The following ZFR2 variants were observed in gnomAD, a reference collection of about 807,000 sequenced individuals.
ZFR2 encodes zinc finger RNA-binding protein 2.
In ZFR2, 104 loss-of-function variants were observed where a neutral mutation model predicts 105.7. That is an observed-to-expected ratio of 0.98 (90% confidence interval 0.84 to 1.16). The LOEUF is 1.16. Ranked by LOEUF, ZFR2 falls within the 50% of genes most tolerant of loss-of-function variation. The pLI, the probability that ZFR2 is intolerant of heterozygous loss-of-function variation, is 0.00. For synonymous variants in ZFR2, 634 were observed against 597.7 expected, an observed-to-expected ratio of 1.06 and a Z score of -0.89; for missense variants, 1,425 against 1,355.5, an observed-to-expected ratio of 1.05 and a Z score of -0.80.
chr19:3,830,466 T>A (rs532478621), intron 5 of ZFR2, among the ~76,000 whole-genome samples: 9 of 152,114 alleles, frequency 5.9e-5, no homozygotes, highest in African/African-American at 2.2e-4. Flanking sequence ...ATGCGAGCAC[T>A]CTGCAAAGAA....
intron 12 of ZFR2, 86 bp from the exon 13 acceptor site, chr19:3,816,931 T>A: frequency 1.6e-6 from 2 of 1,285,486 alleles, no homozygotes; most frequent in Admixed American, 4.7e-5. Context: ...ACGGGGACCC[T>A]GCAAGTTACA....
intron 1 of ZFR2, among the ~76,000 whole-genome samples, chr19:3,857,999 G>A (rs1328647360): frequency 6.6e-6 from 1 of 152,214 alleles, no homozygotes; most frequent in Non-Finnish European, 1.5e-5. Flanking sequence ...TCAGGCCCCA[G>A]GCTAATGTCT....
chr19:3,812,170 C>T (rs965842912), intron 14 of ZFR2, among the ~76,000 whole-genome samples: 1 of 151,856 alleles, frequency 6.6e-6, no homozygotes, highest in Admixed American at 6.6e-5. Flanking sequence ...TCTCGAACCC[C>T]TCACCTCAGG....
intron 13 of ZFR2, among the ~76,000 whole-genome samples, chr19:3,814,709 T>C (rs1288504140): frequency 6.6e-6 from 1 of 152,126 alleles, no homozygotes. Context: ...TTGTGGCCAC[T>C]GTCATGTTGT....
intron 1 of ZFR2, among the ~76,000 whole-genome samples, chr19:3,843,883 A>G (rs1222910639): frequency 6.6e-6 from 1 of 151,928 alleles, no homozygotes; most frequent in Admixed American, 6.6e-5. Context: ...GACATAGGCT[A>G]CAAGGTGGAT....
chr19:3,851,119 C>T (rs916441386), intron 1 of ZFR2, among the ~76,000 whole-genome samples: 1 of 152,000 alleles, frequency 6.6e-6, no homozygotes. Context: ...GTTAGGGAAG[C>T]CCCAGCCGAC....
intron 1 of ZFR2, among the ~76,000 whole-genome samples, chr19:3,855,941 CCT>C (rs2038294276): frequency 6.6e-6 from 1 of 152,266 alleles, no homozygotes; most frequent in Non-Finnish European, 1.5e-5. Flanking sequence ...CAGCTTGTCC[CCT>C]GAGACCCCAC....
chr19:3,819,222 G>A lies in ZFR2; in HGVS notation c.1754C>T (p.Pro585Leu), dbSNP rs766565462. The change falls in exon 12 of 19, where the codon CCG (proline) becomes CTG (leucine). Residue 585 changes from proline to leucine, a missense_variant. Physicochemically the swap from Pro to Leu is moderately conservative, Grantham distance 98. Coordinates refer to ENST00000262961, the MANE Select transcript of ZFR2 (RefSeq NM_015174.2). ...ASAPLQPGRRPASSDDRHVMC... is the reference protein window; with the variant it reads ...ASAPLQPGRRLASSDDRHVMC... Reference sequence around the variant, plus strand: ...GACGTGCCGGTCGTCGCTGGACGCCGGCCGCCGCCCGGGCTGTGGGGAGAG... The same window carrying A: ...GACGTGCCGGTCGTCGCTGGACGCCAGCCGCCGCCCGGGCTGTGGGGAGAG... 28 of 1,548,596 alleles carry A rather than the reference G, an allele frequency of 1.8e-5. No individual in the cohort carries two copies. Among genetic ancestry groups the A allele is most frequent in the Admixed American group, 3.9e-5 (2 of 51,662 alleles).
chr19:3,854,708 C>T (rs910799559), intron 1 of ZFR2, among the ~76,000 whole-genome samples: 1 of 152,202 alleles, frequency 6.6e-6, no homozygotes, highest in Non-Finnish European at 1.5e-5. Flanking sequence ...CTTTTACATT[C>T]TTGCAGAGAA....
intron 5 of ZFR2, among the ~76,000 whole-genome samples, chr19:3,829,615 C>T (rs983192528): frequency 1.8e-4 from 28 of 152,098 alleles, no homozygotes; most frequent in Admixed American, 1.5e-3. Flanking sequence ...TGGGCTCAAA[C>T]GATCCTCCCA....
At chr19:3,868,057 G>A (rs2038453454) in intron 1 of ZFR2, among the ~76,000 whole-genome samples, 1 of 150,322 alleles carries the variant, frequency 6.7e-6, no homozygotes, top group Non-Finnish European at 1.5e-5. Flanking sequence ...GGGGATTAAC[G>A]CCCCTCTGCC....
At position 3,809,219 on chromosome 19, in the gene ZFR2, C is replaced by T. The variant is rs551205892; in HGVS notation, c.2434-236G>A. Among the ~76,000 whole-genome samples the T allele has an allele frequency of 7.9e-5, 12 of 152,332 alleles. No homozygotes were observed. In the East Asian group the frequency reaches 1.7e-3, roughly 22 times the overall value. On this transcript the variant is annotated intron_variant, in intron 16 of 18. Transcript: ENST00000262961. ...GCGGAGTCTCGCTCTATTGCCCAGG[C>T]TGGAGTGCAGTGGCACGATCTCAGC...
At chr19:3,853,038 A>G in intron 1 of ZFR2, among the ~76,000 whole-genome samples, 1 of 152,178 alleles carries the variant, frequency 6.6e-6, no homozygotes, top group South Asian at 2.1e-4. Context: ...GCACTTCGGG[A>G]GGATCACTTG....
chr19:3,830,619 C>T (rs1445307712), intron 5 of ZFR2, among the ~76,000 whole-genome samples: 1 of 152,110 alleles, frequency 6.6e-6, no homozygotes, highest in African/African-American at 2.4e-5. Context: ...GTCCTGATAA[C>T]GGTGTCCTGA....
Position 3,823,653 on chromosome 19 carries a change from G to A in ZFR2, c.1214-250C>T, listed in dbSNP as rs771945635. 1.1e-4 allele frequency among the ~76,000 whole-genome samples: 17 copies of A among 152,100 alleles called. 1 individual carries two copies. The highest frequency in any genetic ancestry group is 2.1e-4 in the Non-Finnish European group (14 of 68,016). On this transcript the variant is annotated intron_variant, in intron 7 of 18. Transcript: ENST00000262961. This position sits in a 1 kb window ranked among gnomAD's most constrained non-coding sequence, Gnocchi z 5.4. ...GGAGAAGCCCTGGTTTTAGGCCCTC[G>A]CTTGAGGAACCCACCGACAGCACAA...
intron 18 of ZFR2, among the ~76,000 whole-genome samples, chr19:3,806,580 C>A (rs1270603563): frequency 6.6e-6 from 1 of 152,170 alleles, no homozygotes; most frequent in Non-Finnish European, 1.5e-5. Context: ...CTTACGACTG[C>A]GGAGCTTGGG....
At chr19:3,810,122 G>A (rs1189292977) in intron 16 of ZFR2, among the ~76,000 whole-genome samples, 3 of 152,180 alleles carry the variant, frequency 2.0e-5, no homozygotes, top group East Asian at 1.9e-4. Context: ...ACTCCAGCAC[G>A]GGATGGGGGA....
rs1013811677 is a variant in ZFR2 at position 3,813,932 on chromosome 19, G to C, written c.2130C>G (p.Val710=). The C allele has an allele frequency of 9.9e-6, 16 of 1,613,922 alleles. No homozygotes were observed. The highest frequency in any genetic ancestry group is 1.4e-5 in the Non-Finnish European group (16 of 1,179,864). Residue 710 remains valine (V), a synonymous_variant, in exon 14 of 19, where the codon GTC becomes GTG. Coordinates refer to ENST00000262961, the MANE Select transcript of ZFR2 (RefSeq NM_015174.2). The surrounding 1 kb of genome is among the most constrained non-coding windows in gnomAD (Gnocchi z 4.4). ...LQMVTEDEYE[V]SSDPEANIVI... The stretch of plus-strand genomic sequence containing the variant: ...CAATGTTGGCTTCAGGGTCGGAGGA[G>C]ACCTCATACTCATCCTCGGTCACCA...
At position 3,811,393 on chromosome 19, in the gene ZFR2, G is replaced by T. The variant is rs532147478; in HGVS notation, c.2243-27C>A. 4.5e-6 allele frequency: 7 copies of T among 1,552,788 alleles called. No homozygotes were observed. The South Asian group carries it at 8.3e-5, about 18-fold the overall frequency. Reference sequence around the variant, plus strand: ...TTCTAGAAGAAAAACCTCGAGGTGTGCGGGGAAGGTGCCTCGTCCCGCTCT... The same window carrying T: ...TTCTAGAAGAAAAACCTCGAGGTGTTCGGGGAAGGTGCCTCGTCCCGCTCT... On this transcript the variant is annotated intron_variant, in intron 14 of 18. Transcript: ENST00000262961.
Sources: allele counts gnomAD v4.1 joint callset (sites outside exome capture counted in the v4.1 genomes callset), GRCh38; gene constraint gnomAD v4.1.1; non-coding constraint Gnocchi (gnomAD v3.1); transcripts MANE v1.5; gene names NCBI Gene and HGNC (gene_info 2026-07-23, HGNC 2026-07-21).